Variants in LPA observed in about 807,000 individuals in gnomAD.
LPA encodes the protein apolipoprotein(a).
Under a neutral mutation model 197.9 loss-of-function variants are expected in LPA, and 199 were observed. That is an observed-to-expected ratio of 1.01 (90% CI 0.90 to 1.13). The LOEUF (loss-of-function observed/expected upper bound fraction) is 1.13, where lower values mean the gene tolerates loss of function less well. LPA is among the 50% of genes most tolerant of loss of function. The probability of loss-of-function intolerance (pLI) is 0.00; values close to 1 mark genes in which losing one functional copy is unlikely to be tolerated. For synonymous variants in LPA, 715 were observed against 639.5 expected (o/e 1.12, Z -1.78); for missense variants, 1,853 against 1,785.8 (o/e 1.04, Z -0.68).
intron 34 of LPA, among the ~76,000 whole-genome samples, chr6:160,541,801 T>C (rs1777985800): frequency 6.6e-6 from 1 of 152,202 alleles, no homozygotes; most frequent in Non-Finnish European, 1.5e-5. Context: ...AGTGAGGACA[T>C]AGACCACCAC....
chr6:160,609,752 G>C (rs777720627), intron 16 of LPA, among the ~76,000 whole-genome samples: 2 of 151,684 alleles, frequency 1.3e-5, no homozygotes, highest in African/African-American at 4.8e-5. Flanking sequence ...TATTTCTTTA[G>C]GGATGTGCAT....
intron 1 of LPA, among the ~76,000 whole-genome samples, chr6:160,651,139 T>C (rs111332320): frequency 4.6e-5 from 7 of 152,224 alleles, no homozygotes; most frequent in African/African-American, 1.7e-4. Context: ...TCAAGTTCCA[T>C]CCAAATAAGG....
Position 160,557,508 on chromosome 6 carries a change from G to C in LPA, c.4695C>G (p.Thr1565=), listed in dbSNP as rs779383911. ...DSGKQPWCYT[T]DPCVRWEYCN... ...AGTACTCCCACCTCACACACGGATC[G>C]GTTGTGTAACACCAGGGTTGTTTCC... is the stretch of plus-strand genomic sequence containing the variant. The change falls in exon 29 of 39, where the codon ACC becomes ACG. Residue 1565 remains threonine (T), a synonymous_variant. Transcript: ENST00000316300. 3.0e-5 allele frequency: 49 copies of C among 1,613,896 alleles called. No homozygotes were observed. The highest frequency in any genetic ancestry group is 3.8e-5 in the Non-Finnish European group (45 of 1,180,014).
chr6:160,594,092 G>A lies in LPA; in HGVS notation c.3495C>T (p.Val1165=), dbSNP rs765929717. ...GTCCATCACCATGGTAGCAATCCTG[G>A]ACCCCGGGGCTTTGCTCCGTTGGTG... ...EEAPTEQSPG[V]QDCYHGDGQS... Residue 1165 remains valine, a synonymous_variant, in exon 22 of 39, where the codon GTC becomes GTT. Transcript: ENST00000316300. 1 of 1,613,778 alleles carries A rather than the reference G, an allele frequency of 6.2e-7. No homozygotes were observed. Among genetic ancestry groups the A allele is most frequent in the African/African-American group, 1.3e-5 (1 of 74,890 alleles).
At position 160,578,536 on chromosome 6, in the gene LPA, A is replaced by G. The variant is rs757113256; in HGVS notation, c.4458T>C (p.Ala1486=). The G allele has an allele frequency of 4.3e-6, 7 of 1,613,866 alleles. No individual in the cohort carries two copies. Among genetic ancestry groups the G allele is most frequent in the Non-Finnish European group, 5.9e-6 (7 of 1,179,774 alleles). ...CAAATTTCTTACCTTGTTCAGAAGG[A>G]GCCTCTGTGCTTGGAACCGGGGCCA... The part of the protein sequence containing the change: ...PTVAPVPSTE[A]PSEQAPPEKS... The change falls in exon 27 of 39, where the codon GCT becomes GCC. Residue 1486 remains alanine, a synonymous_variant. Transcript: ENST00000316300.
rs750325646 is a variant in LPA, at chr6:160,578,610, G to T, written c.4384C>A (p.Leu1462Met). ...DPSVRWEYCN[L>M]TRCPVTESSV... is the part of the protein sequence containing the mutation. ...GATTCTGTCACTGGACATCGTGTCAGGTTGCAGTACTCCCACCTGACACTG... is the reference window on the plus strand; with the variant it reads ...GATTCTGTCACTGGACATCGTGTCATGTTGCAGTACTCCCACCTGACACTG... The change falls in exon 27 of 39, where the codon CTG (leucine) becomes ATG (methionine). Residue 1462 changes from leucine to methionine, a missense_variant. This residue lies in a region of LPA where 1,737 missense variants were observed against 1,504.4 expected (regional missense o/e 1.15). Transcript: ENST00000316300. 4.3e-6 allele frequency: 7 copies of T among 1,614,034 alleles called. No individual in the cohort carries two copies. In the South Asian group the frequency reaches 5.5e-5, roughly 13 times the overall value.
chr6:160,589,696 GC>G lies in LPA; in HGVS notation c.3803del (p.Ser1268ThrfsTer34). ...AVSEQAPTEQ[S>X]PTVQDCYHGD... ...CATGGTAGCAGTCCTGGACTGTGGG[GC>G]TTTGCTCCGTTGGTGCTGAAATTCA... On this transcript the variant is annotated frameshift_variant, in exon 24 of 39. Transcript: ENST00000316300. LOFTEE classifies it high-confidence loss of function. 6.2e-7 allele frequency: 1 copy of G among 1,613,842 alleles called. No homozygotes were observed. The highest frequency in any genetic ancestry group is 1.1e-5 in the South Asian group (1 of 91,082).
intron 25 of LPA, among the ~76,000 whole-genome samples, chr6:160,585,831 C>G (rs1223372638): frequency 6.6e-6 from 1 of 151,992 alleles, no homozygotes; most frequent in Non-Finnish European, 1.5e-5. Flanking sequence ...CTCTTCTTCT[C>G]AAAAAACAAC....
intron 28 of LPA, among the ~76,000 whole-genome samples, chr6:160,562,623 G>T (rs551680670): frequency 6.6e-6 from 1 of 152,304 alleles, no homozygotes; most frequent in South Asian, 2.1e-4. Context: ...CTATTGTGTG[G>T]AATAGTTTCA....
chr6:160,594,638 G>T (rs897898470), intron 21 of LPA, among the ~76,000 whole-genome samples: 1 of 152,188 alleles, frequency 6.6e-6, no homozygotes, highest in Admixed American at 6.5e-5. Flanking sequence ...AGGGCTACTG[G>T]CCAAAATTTT....
chr6:160,654,057 T>TA (rs1780079494), intron 1 of LPA, among the ~76,000 whole-genome samples: 7 of 5,920 alleles, frequency 1.2e-3, no homozygotes, highest in African/African-American at 4.8e-3. Flanking sequence ...TATAATATAT[T>TA]ATATATATTA....
At position 160,532,583 on chromosome 6, in the gene LPA, T is replaced by C. The variant is rs776348555; in HGVS notation, c.5909A>G (p.His1970Arg). ...LLVIENEVCN[H>R]YKYICAEHLA... is the part of the protein sequence containing the mutation. ...ATGCTCAGCACAAATATACTTATAG[T>C]GATTGCACACTTCATTCTCAATAAC... is the stretch of plus-strand genomic sequence containing the variant. The change falls in exon 38 of 39, where the codon CAC (histidine) becomes CGC (arginine). Residue 1970 changes from histidine to arginine, a missense_variant. Transcript: ENST00000316300. 6.2e-7 allele frequency: 1 copy of C among 1,613,666 alleles called. No homozygotes were observed. The highest frequency in any genetic ancestry group is 1.7e-5 in the Admixed American group (1 of 60,000).
chr6:160,637,300 T>A (rs1293285141), intron 6 of LPA, among the ~76,000 whole-genome samples: 7 of 110,832 alleles, frequency 6.3e-5, no homozygotes, highest in Admixed American at 9.1e-5. Context: ...TGATTTTTTT[T>A]AATGTTCTTC....
At chr6:160,566,842 T>C (rs577790077) in intron 28 of LPA, among the ~76,000 whole-genome samples, 75 of 152,138 alleles carry the variant, frequency 4.9e-4, no homozygotes, top group Non-Finnish European at 8.4e-4. Flanking sequence ...GGGGTTGCAA[T>C]CCTAGTCTCT....
Position 160,605,080 on chromosome 6 carries a change from A to T in LPA, c.2911T>A (p.Ser971Thr). 1 of 1,613,876 alleles carries T rather than the reference A, an allele frequency of 6.2e-7. No individual in the cohort carries two copies. Among genetic ancestry groups the T allele is most frequent in the Admixed American group, 1.7e-5 (1 of 60,010 alleles). Residue 971 changes from serine (S) to threonine (T), a missense_variant, in exon 18 of 39, where the codon TCG becomes ACG. Physicochemically the swap from Ser to Thr is moderately conservative, Grantham distance 58. Coordinates refer to ENST00000316300, the MANE Select transcript of LPA (RefSeq NM_005577.4). ...TAGTATGCTGGGGTCCGACTATGCG[A>T]GTGTGGTGTCATAGATGACCAAGCT... is the stretch of plus-strand genomic sequence containing the variant. Reference protein sequence around the residue: ...CQAWSSMTPHSHSRTPAYYPN... With the variant: ...CQAWSSMTPHTHSRTPAYYPN...
chr6:160,557,320 T>G (rs1778280608), intron 29 of LPA, 70 bp downstream of exon 29: 1 of 1,548,000 alleles, frequency 6.5e-7, no homozygotes, highest in Non-Finnish European at 8.9e-7. Context: ...GGCTTCTGCA[T>G]CAGTCAGATT....
chr6:160,540,804 T>C (rs575779760), intron 35 of LPA, among the ~76,000 whole-genome samples: 2 of 152,294 alleles, frequency 1.3e-5, no homozygotes, highest in Non-Finnish European at 2.9e-5. Context: ...GCAATACAGA[T>C]TGATGCCTCT....
At chr6:160,558,786 A>G (rs1278194854) in intron 28 of LPA, among the ~76,000 whole-genome samples, 1 of 151,992 alleles carries the variant, frequency 6.6e-6, no homozygotes, top group Admixed American at 6.6e-5. Flanking sequence ...TAGAGAATGC[A>G]CTCCCATTCA....
chr6:160,595,803 G>A (rs1779121653), intron 20 of LPA, among the ~76,000 whole-genome samples: 1 of 152,134 alleles, frequency 6.6e-6, no homozygotes, highest in Non-Finnish European at 1.5e-5. Context: ...TCTGTACATT[G>A]TGCAAGTTGC....
Sources: allele counts gnomAD v4.1 joint callset (sites outside exome capture counted in the v4.1 genomes callset), GRCh38; gene constraint gnomAD v4.1.1; regional missense constraint gnomAD v4.1.1; transcripts MANE v1.5; gene names NCBI Gene and HGNC (gene_info 2026-07-23, HGNC 2026-07-21).